TXNL1: variants seen among roughly 807,000 people sequenced by gnomAD.
TXNL1 encodes the protein thioredoxin like 1.
In TXNL1, 14 loss-of-function variants were observed where a neutral mutation model predicts 35.5. The observed-to-expected ratio is 0.39, with a 90% CI of 0.26 to 0.62. The LOEUF is 0.62. Among genes scored for constraint, TXNL1 ranks in the 20% least tolerant of loss-of-function variants. TXNL1 has a pLI of 0.47. For missense variants in TXNL1, 263 were observed against 349.7 expected (o/e 0.75, Z 1.98); for synonymous variants, 110 against 115.5 (o/e 0.95, Z 0.31).
intron 7 of TXNL1, among the ~76,000 whole-genome samples, chr18:56,603,421 A>G (rs2023839922): frequency 6.6e-6 from 1 of 152,124 alleles, no homozygotes; most frequent in South Asian, 2.1e-4. Flanking sequence ...GTCGATCACA[A>G]AAGAATCTGG....
chr18:56,603,359 A>G (rs915683390), intron 7 of TXNL1, among the ~76,000 whole-genome samples: 5 of 151,952 alleles, frequency 3.3e-5, no homozygotes, highest in Non-Finnish European at 7.4e-5. Context: ...AAATGATGCT[A>G]TATGAGTAAA....
At chr18:56,626,520 A>T in intron 1 of TXNL1, 63 bp from the exon 2 acceptor site, 1 of 1,373,714 alleles carries the variant, frequency 7.3e-7, no homozygotes, top group Non-Finnish European at 1.0e-6. Flanking sequence ...GCACTCGTCA[A>T]TTAAACATAA....
intron 1 of TXNL1, among the ~76,000 whole-genome samples, chr18:56,631,382 A>T (rs1227388644): frequency 6.6e-6 from 1 of 151,984 alleles, no homozygotes. Flanking sequence ...TCTTGCACAC[A>T]CCTTGATTAG....
Position 56,631,302 on chromosome 18 carries a change from C to T in TXNL1, c.99-4845G>A, listed in dbSNP as rs532730888. Among the ~76,000 whole-genome samples the T allele has an allele frequency of 5.9e-5, 9 of 152,254 alleles. No individual in the cohort carries two copies. The Middle Eastern group carries it at 0.01, about 173-fold the overall frequency. On this transcript the variant is annotated intron_variant, in intron 1 of 7. Transcript: ENST00000217515. ...TCTCTGTATAAAATAAAAGGACTCT[C>T]CAAGGACTTTTCCCAGCTCTACAAT...
chr18:56,630,780 C>A (rs2024357610), intron 1 of TXNL1, among the ~76,000 whole-genome samples: 1 of 152,044 alleles, frequency 6.6e-6, no homozygotes, highest in Non-Finnish European at 1.5e-5. Context: ...GAACTTTGGT[C>A]AAAAATCAAA....
At chr18:56,635,748 G>A (rs540220241) in intron 1 of TXNL1, among the ~76,000 whole-genome samples, 1 of 152,260 alleles carries the variant, frequency 6.6e-6, no homozygotes, top group South Asian at 2.1e-4. Flanking sequence ...CATTGTGACT[G>A]TATAGTCATG....
chr18:56,627,363 T>TCAG (rs1313633330), intron 1 of TXNL1, among the ~76,000 whole-genome samples: 3 of 152,218 alleles, frequency 2.0e-5, no homozygotes, highest in Non-Finnish European at 4.4e-5. Context: ...ATGTAAGATC[T>TCAG]CAGCAGGTTT....
At position 56,638,574 on chromosome 18, in the gene TXNL1, T is replaced by G; in HGVS notation, c.-134A>C. 3.5e-6 allele frequency: 3 copies of G among 867,876 alleles called. No homozygotes were observed. In the South Asian group the frequency reaches 5.6e-5, roughly 16 times the overall value. 53.8% of individuals were successfully genotyped at this position (867,876 alleles called of 1,614,324 possible). ...CAGAAGAGGTGGCGACCGCCGAGTC[T>G]TCTCCCGGGACTCTCAGTGCCGAGT... On this transcript the variant is annotated 5_prime_UTR_variant, in exon 1 of 8. Coordinates refer to ENST00000217515, the MANE Select transcript of TXNL1 (RefSeq NM_004786.3).
chr18:56,612,270 G>A (rs2024009222), intron 6 of TXNL1, among the ~76,000 whole-genome samples: 1 of 151,758 alleles, frequency 6.6e-6, no homozygotes, highest in Non-Finnish European at 1.5e-5. Flanking sequence ...TTTCACTGAG[G>A]AAAATCTCTA....
chr18:56,633,304 G>A (rs1365617427), intron 1 of TXNL1, among the ~76,000 whole-genome samples: 6 of 151,784 alleles, frequency 4.0e-5, no homozygotes, highest in South Asian at 2.1e-4. Flanking sequence ...AAAATTAGCC[G>A]GGCGTGGTGG....
intron 3 of TXNL1, among the ~76,000 whole-genome samples, chr18:56,618,611 A>G (rs2024128438): frequency 3.3e-5 from 5 of 152,004 alleles, no homozygotes; most frequent in Admixed American, 2.0e-4. Context: ...ACCTCCAGCT[A>G]CAATAATCAT....
chr18:56,634,002 A>G (rs1005277624), intron 1 of TXNL1, among the ~76,000 whole-genome samples: 2 of 151,286 alleles, frequency 1.3e-5, no homozygotes, highest in Admixed American at 6.6e-5. Flanking sequence ...AAAAAAAAAA[A>G]AAAAAAATCA....
rs1021375191 is a variant in TXNL1 at position 56,599,719 on chromosome 18, G to T, written c.*3308C>A. The T allele has an allele frequency of 5.3e-5, 8 of 152,102 alleles. No homozygotes were observed. The highest frequency in any genetic ancestry group is 1.3e-4 in the Admixed American group (2 of 15,264). The allele number at this position is 152,102 out of a possible 1,614,324, so 9.4% of individuals were successfully genotyped here. A position where few individuals can be genotyped will look rare whatever the true frequency, so the allele number is the denominator to read the frequency against. ...GGGTGTGGCACCTGCCACCATGCCT[G>T]GCTAATTTTTTGTATTTTTAGTAGA... On this transcript the variant is annotated 3_prime_UTR_variant, in exon 8 of 8. Coordinates refer to ENST00000217515, the MANE Select transcript of TXNL1 (RefSeq NM_004786.3).
chr18:56,621,409 G>A (rs1484300789), intron 3 of TXNL1, among the ~76,000 whole-genome samples: 1 of 151,888 alleles, frequency 6.6e-6, no homozygotes, highest in Non-Finnish European at 1.5e-5. Context: ...GGCCAGGCTG[G>A]TCTTGAACTC....
chr18:56,614,683 C>A, intron 5 of TXNL1, 87 bp from the exon 6 acceptor site: 2 of 1,081,828 alleles, frequency 1.8e-6, no homozygotes, highest in Non-Finnish European at 2.6e-6. Flanking sequence ...TATACACAGA[C>A]ACACACAAAT....
At chr18:56,615,443 G>A (rs1598915631) in intron 5 of TXNL1, among the ~76,000 whole-genome samples, 8 of 111,452 alleles carry the variant, frequency 7.2e-5, no homozygotes, top group East Asian at 6.1e-4. Flanking sequence ...TTCCCCCTCA[G>A]AAAAAGCTTA....
At chr18:56,631,537 T>C (rs965149602) in intron 1 of TXNL1, among the ~76,000 whole-genome samples, 2 of 152,170 alleles carry the variant, frequency 1.3e-5, no homozygotes, top group African/African-American at 2.4e-5. Flanking sequence ...CTTAGTCCAA[T>C]ATATAAAATG....
chr18:56,632,865 C>G (rs1355344444), intron 1 of TXNL1, among the ~76,000 whole-genome samples: 2 of 152,196 alleles, frequency 1.3e-5, no homozygotes, highest in African/African-American at 4.8e-5. Flanking sequence ...CTTACAGCTA[C>G]TTGCTAACGT....
At chr18:56,610,850 C>G in intron 7 of TXNL1, 143 bp downstream of exon 7, 1 of 522,572 alleles carries the variant, frequency 1.9e-6, no homozygotes, top group Middle Eastern at 5.0e-4. Flanking sequence ...AACTTTCTAT[C>G]CTAGTTTAGC....
Sources: gnomAD v4.1 joint callset for allele counts (sites outside exome capture counted in the v4.1 genomes callset) on GRCh38, gnomAD v4.1.1 for gene constraint, MANE v1.5 for transcripts, NCBI Gene and HGNC (gene_info 2026-07-23, HGNC 2026-07-21) for gene names.